ALMS1: variants seen among roughly 807,000 people sequenced by gnomAD.
ALMS1 encodes ALMS1 centrosome and basal body associated protein.
In ALMS1, 271 loss-of-function variants were observed where a neutral mutation model predicts 352.2. That is an observed-to-expected ratio of 0.77 (90% confidence interval 0.70 to 0.85). ALMS1 has a LOEUF of 0.85. ALMS1 is among the 40% of genes least tolerant of loss of function. ALMS1 has a pLI of 0.00. For missense variants in ALMS1, 5,445 were observed against 4,870.7 expected, an observed-to-expected ratio of 1.12 and a Z score of -3.51; for synonymous variants, 1,865 against 1,761.2, an observed-to-expected ratio of 1.06 and a Z score of -1.48.
intron 11 of ALMS1, among the ~76,000 whole-genome samples, chr2:73,520,384 G>A (rs532806186): frequency 6.6e-6 from 1 of 152,126 alleles, no homozygotes; most frequent in Admixed American, 6.5e-5. Flanking sequence ...TTACTATATA[G>A]TGCGTATATA....
At chr2:73,596,942 C>A (rs1455508998) in intron 16 of ALMS1, among the ~76,000 whole-genome samples, 1 of 112,226 alleles carries the variant, frequency 8.9e-6, no homozygotes, top group Non-Finnish European at 1.7e-5. Context: ...AAGTTGAGAT[C>A]ATTTTGTAGA....
At chr2:73,494,448 T>C (rs927444796) in intron 10 of ALMS1, among the ~76,000 whole-genome samples, 1 of 152,212 alleles carries the variant, frequency 6.6e-6, no homozygotes. Context: ...TGTAAAACTA[T>C]ATAGTCTAAC....
Position 73,449,402 on chromosome 2 carries a change from G to A in ALMS1, c.2875G>A (p.Glu959Lys), listed in dbSNP as rs762124005. The change falls in exon 8 of 23, where the codon GAG (glutamate) becomes AAG (lysine). Residue 959 changes from glutamate to lysine, a missense_variant. Coordinates refer to ENST00000613296, the MANE Select transcript of ALMS1 (RefSeq NM_001378454.1). ...TVSSNSHSHSEKSSVFYQQEL... is the reference protein window; with the variant it reads ...TVSSNSHSHSKKSSVFYQQEL... ...GTCCTCTAATTCTCACTCACATAGC[G>A]AGAAATCTAGTGTTTTCTACCAGCA... 1.5e-5 allele frequency: 24 copies of A among 1,613,952 alleles called. No individual in the cohort carries two copies. The highest frequency in any genetic ancestry group is 6.7e-5 in the Admixed American group (4 of 59,972).
chr2:73,390,360 A>G (rs1434078342), intron 1 of ALMS1, among the ~76,000 whole-genome samples: 2 of 152,208 alleles, frequency 1.3e-5, no homozygotes, highest in Non-Finnish European at 2.9e-5. Flanking sequence ...ATCAAATAAT[A>G]GGAAACATTA....
At position 73,452,407 on chromosome 2, in the gene ALMS1, C is replaced by T; in HGVS notation, c.5880C>T (p.Leu1960=). ...AACAGGAGTTGCCAGACAGTCATCT[C>T]ACAGAAGAGGCTCTGAAAGTTTCAC... is the stretch of plus-strand genomic sequence containing the variant. ...ISQQELPDSH[L]TEEALKVSPV... Residue 1960 remains leucine, a synonymous_variant, in exon 8 of 23, where the codon CTC becomes CTT. Transcript: ENST00000613296. 6.2e-7 allele frequency: 1 copy of T among 1,613,658 alleles called. No homozygotes were observed.
intron 9 of ALMS1, among the ~76,000 whole-genome samples, chr2:73,465,041 A>G (rs150685631): frequency 0.033 from 4,985 of 152,206 alleles, 200 homozygotes; most frequent in Admixed American, 0.091. Flanking sequence ...TATAGATTCA[A>G]TGCCATCCCC....
rs530881959 is a variant in ALMS1 at position 73,472,102 on chromosome 2, A to G, written c.7674+16807A>G. Reference sequence around the variant, plus strand: ...AAAGAATCCAGTCACAGAAGGACAAATACTGAATGATTTCACTTATATGAA... The same window carrying G: ...AAAGAATCCAGTCACAGAAGGACAAGTACTGAATGATTTCACTTATATGAA... On this transcript the variant is annotated intron_variant, in intron 9 of 22. Transcript: ENST00000613296. Among the ~76,000 whole-genome samples the G allele has an allele frequency of 2.0e-5, 3 of 152,216 alleles. No individual in the cohort carries two copies. In the East Asian group the frequency reaches 5.8e-4, roughly 29 times the overall value.
At chr2:73,486,200 A>G (rs865973497) in intron 9 of ALMS1, among the ~76,000 whole-genome samples, 8 of 152,204 alleles carry the variant, frequency 5.3e-5, no homozygotes, top group Non-Finnish European at 1.0e-4. Context: ...AGGCTAGCAG[A>G]TACAAGACCT....
chr2:73,523,979 G>A (rs868591753), intron 11 of ALMS1, among the ~76,000 whole-genome samples: 3 of 152,122 alleles, frequency 2.0e-5, no homozygotes, highest in Admixed American at 6.5e-5. Flanking sequence ...TCGGCCATGA[G>A]AAATGGTAGC....
chr2:73,393,372 G>T (rs576579258), intron 1 of ALMS1, among the ~76,000 whole-genome samples: 3 of 151,364 alleles, frequency 2.0e-5, no homozygotes, highest in African/African-American at 7.3e-5. Flanking sequence ...TTATTCTTTC[G>T]TATGTGACTA....
chr2:73,402,270 C>CTTTTT (rs61360284), intron 1 of ALMS1, among the ~76,000 whole-genome samples: 17 of 122,808 alleles, frequency 1.4e-4, no homozygotes, highest in African/African-American at 4.9e-4. Context: ...TTCTCTCTCT[C>CTTTTT]TTTTTTTTTT....
At position 73,550,310 on chromosome 2, in the gene ALMS1, A is replaced by G. The variant is rs1573013141; in HGVS notation, c.9951A>G (p.Leu3317=). The G allele has an allele frequency of 1.2e-6, 2 of 1,614,164 alleles. No homozygotes were observed. Among genetic ancestry groups the G allele is most frequent in the Non-Finnish European group, 1.7e-6 (2 of 1,180,010 alleles). ...CTCCAGACTTCCCAGCTCAGGTGCT[A>G]GGCACAAGAGATGATGACCTCTCAG... The part of the protein sequence containing the change: ...AIAPDFPAQV[L]GTRDDDLSAT... The change falls in exon 13 of 23, where the codon CTA becomes CTG. Residue 3317 remains leucine (L), a synonymous_variant. Coordinates refer to ENST00000613296, the MANE Select transcript of ALMS1 (RefSeq NM_001378454.1).
chr2:73,520,089 G>T, intron 11 of ALMS1, 73 bp downstream of exon 11: 1 of 1,595,314 alleles, frequency 6.3e-7, no homozygotes, highest in African/African-American at 1.3e-5. Context: ...ATTTGTGGTT[G>T]TGTCTTTCTA....
chr2:73,609,534 C>G, intron 22 of ALMS1, 34 bp from the exon 23 acceptor site: 1 of 1,611,612 alleles, frequency 6.2e-7, no homozygotes, highest in Non-Finnish European at 8.5e-7. Flanking sequence ...GCAGTAATAT[C>G]TAACTTCTTT....
In ALMS1 at chr2:73,522,173, T is replaced by A. The variant is rs192638029; in HGVS notation, c.9781+2157T>A. On this transcript the variant is annotated intron_variant, in intron 11 of 22. Coordinates refer to ENST00000613296, the MANE Select transcript of ALMS1 (RefSeq NM_001378454.1). ...TGAGAACTTCAAAAAATTCTTTATT[T>A]GTCTCAGGTCCATCGCCATGTGATA... Among the ~76,000 whole-genome samples the A allele has an allele frequency of 3.3e-5, 5 of 152,342 alleles. No homozygotes were observed. In the South Asian group the frequency reaches 6.2e-4, roughly 19 times the overall value.
chr2:73,468,268 A>T (rs1672398216), intron 9 of ALMS1, among the ~76,000 whole-genome samples: 1 of 152,008 alleles, frequency 6.6e-6, no homozygotes, highest in Non-Finnish European at 1.5e-5. Context: ...GGCTAGTAGA[A>T]GTCCTAAGTA....
rs960088843 is a variant in ALMS1 at position 73,573,509 on chromosome 2, C to A, written c.11547+85C>A. ...AAGCTTTGCACACAGGTGAAAAAAA[C>A]AAGCCATTTGCCCTTTCCTCTCTAT... is the stretch of plus-strand genomic sequence containing the variant. On this transcript the variant is annotated intron_variant, in intron 16 of 22. Coordinates refer to ENST00000613296, the MANE Select transcript of ALMS1 (RefSeq NM_001378454.1). The A allele has an allele frequency of 9.1e-6, 13 of 1,433,572 alleles. No homozygotes were observed. In the African/African-American group the frequency reaches 1.3e-4, roughly 14 times the overall value. The allele number at this position is 1,433,572 out of a possible 1,614,324, so 88.8% of individuals were successfully genotyped here.
In ALMS1 at chr2:73,387,255, G is replaced by A. The variant is rs1670558842; in HGVS notation, c.324+1063G>A. Among the ~76,000 whole-genome samples, 4 of 152,232 alleles carry A rather than the reference G, an allele frequency of 2.6e-5. No homozygotes were observed. The South Asian group carries it at 8.3e-4, about 31-fold the overall frequency. ...CACCATGTGCCACACATTGTGCTGG[G>A]TGCTAAGGAAAGCTTGGTGAACCCA... On this transcript the variant is annotated intron_variant, in intron 1 of 22. Transcript: ENST00000613296.
intron 9 of ALMS1, among the ~76,000 whole-genome samples, chr2:73,488,339 T>G (rs2103885863): frequency 6.6e-6 from 1 of 152,308 alleles, no homozygotes; most frequent in East Asian, 1.9e-4. Context: ...CACACCTGGC[T>G]GGGTCGCAAC....
Sources: allele counts gnomAD v4.1 joint callset (sites outside exome capture counted in the v4.1 genomes callset), GRCh38; gene constraint gnomAD v4.1.1; transcripts MANE v1.5; gene names NCBI Gene and HGNC (gene_info 2026-07-23, HGNC 2026-07-21).